The following SEPTIN2 variants were observed in gnomAD, a reference collection of about 807,000 sequenced individuals.
The protein encoded by SEPTIN2 is septin 2, also known as septin-2.
A neutral mutation model predicts 46.5 loss-of-function variants in SEPTIN2; 34 were observed. The observed-to-expected ratio is 0.73, with a 90% CI of 0.56 to 0.97. The LOEUF (loss-of-function observed/expected upper bound fraction) is 0.97. Ranked by LOEUF, SEPTIN2 falls within the 50% of genes least tolerant of loss-of-function variation. SEPTIN2 has a pLI of 0.00. For missense variants in SEPTIN2, 347 were observed against 448.4 expected (o/e 0.77, Z 2.04); for synonymous variants, 175 against 153.4 (o/e 1.14, Z -1.04).
At chr2:241,350,560 T>G (rs1012614270) in intron 12 of SEPTIN2, among the ~76,000 whole-genome samples, 2 of 152,238 alleles carry the variant, frequency 1.3e-5, no homozygotes, top group Non-Finnish European at 2.9e-5. Context: ...TGTTAATTGT[T>G]AAAACATCTC....
intron 2 of SEPTIN2, chr2:241,324,652 T>C (rs1485264235): frequency 6.9e-6 from 2 of 291,376 alleles, no homozygotes; most frequent in South Asian, 5.6e-5. Flanking sequence ...CCCGAAGTGT[T>C]GGGATTACAG....
chr2:241,319,644 T>TGCA lies in SEPTIN2; in HGVS notation c.-18+3669_-18+3671dup, dbSNP rs146758298. ...TCTCACTCTGTCACCCAGGCTGGAG[T>TGCA]GCAGCAGCACCATCTCGGCTCACTA... On this transcript the variant is annotated intron_variant, in intron 1 of 12. Transcript: ENST00000391971. Among the ~76,000 whole-genome samples the TGCA allele has an allele frequency of 8.4e-4, 128 of 152,268 alleles. 2 individuals carry two copies. In the East Asian group the frequency reaches 0.021, roughly 25 times the overall value.
At chr2:241,330,306 C>CG (rs1257063132) in intron 3 of SEPTIN2, among the ~76,000 whole-genome samples, 1 of 152,060 alleles carries the variant, frequency 6.6e-6, no homozygotes, top group African/African-American at 2.4e-5. Context: ...ATCAGCGACA[C>CG]AATGGGAAAA....
chr2:241,329,188 C>T (rs756729622), intron 3 of SEPTIN2, among the ~76,000 whole-genome samples: 31 of 151,880 alleles, frequency 2.0e-4, no homozygotes, highest in Non-Finnish European at 3.1e-4. Context: ...TGCAGTGGCA[C>T]GATCTTGGCT....
chr2:241,324,358 C>A, intron 2 of SEPTIN2, 117 bp downstream of exon 2: 14 of 762,306 alleles, frequency 1.8e-5, no homozygotes, highest in East Asian at 2.7e-5. Flanking sequence ...ACATTTGATT[C>A]ATTAACACAA....
At chr2:241,326,159 C>T (rs763947945) in intron 3 of SEPTIN2, 46 bp downstream of exon 3, 40 of 1,562,166 alleles carry the variant, frequency 2.6e-5, no homozygotes, top group Admixed American at 3.7e-5. Context: ...TAAATATCTC[C>T]CCTTTCCAAT....
At chr2:241,338,707 A>G (rs1417026052) in intron 7 of SEPTIN2, among the ~76,000 whole-genome samples, 2 of 104,834 alleles carry the variant, frequency 1.9e-5, no homozygotes, top group African/African-American at 3.6e-5. Context: ...TTATATTTAT[A>G]TTATTTATAT....
chr2:241,343,496 TC>T (rs1276831216), intron 8 of SEPTIN2, among the ~76,000 whole-genome samples: 4 of 149,458 alleles, frequency 2.7e-5, no homozygotes, highest in African/African-American at 9.9e-5. Context: ...AGACTCTGTC[TC>T]AAAAAAAAAA....
intron 3 of SEPTIN2, among the ~76,000 whole-genome samples, chr2:241,331,175 T>A (rs559998717): frequency 6.6e-6 from 1 of 151,970 alleles, no homozygotes; most frequent in East Asian, 1.9e-4. Context: ...CGAGACTCCG[T>A]CTCAAAAAAA....
rs766695605 is a variant in SEPTIN2 at position 241,343,892 on chromosome 2, G to A, written c.837G>A (p.Met279Ile). The part of the protein sequence containing the change: ...EHNDFLKLRT[M>I]LITHMQDLQE... Reference sequence around the variant, plus strand: ...ATGACTTTCTGAAGCTGAGAACCATGCTCATGTAAGACATTTGGTGTGTTC... The same window carrying A: ...ATGACTTTCTGAAGCTGAGAACCATACTCATGTAAGACATTTGGTGTGTTC... Residue 279 changes from methionine to isoleucine, a missense_variant, in exon 9 of 13, where the codon ATG becomes ATA. By Grantham distance (10) the Met-to-Ile change is conservative. Coordinates refer to ENST00000391971, the MANE Select transcript of SEPTIN2 (RefSeq NM_004404.5). 3 of 1,614,158 alleles carry A rather than the reference G, an allele frequency of 1.9e-6. No individual in the cohort carries two copies. In the Admixed American group the frequency reaches 5.0e-5, roughly 27 times the overall value.
chr2:241,342,971 C>T, intron 7 of SEPTIN2, 21 bp from the exon 8 acceptor site: 1 of 1,407,306 alleles, frequency 7.1e-7, no homozygotes, highest in Non-Finnish European at 1.0e-6. Context: ...AAAATTGATC[C>T]TGGTTTTGTC....
At chr2:241,317,131 G>A (rs918079103) in intron 1 of SEPTIN2, 1 of 152,230 alleles carries the variant, frequency 6.6e-6, no homozygotes, top group Non-Finnish European at 1.5e-5. Flanking sequence ...TCATGGTGTA[G>A]GGGTCATGAA....
rs1575428867 is a variant in SEPTIN2 at position 241,353,361 on chromosome 2, A to G, written c.*1424A>G. On this transcript the variant is annotated 3_prime_UTR_variant, in exon 13 of 13. Transcript: ENST00000391971. The stretch of plus-strand genomic sequence containing the variant: ...AGCGGTTGCCTTTTTTATCATTTCT[A>G]CTGAAGTTGGGAAATTCAACCCCAG... 4 of 152,260 alleles carry G rather than the reference A, an allele frequency of 2.6e-5. No homozygotes were observed. In the South Asian group the frequency reaches 8.3e-4, roughly 32 times the overall value. 9.4% of individuals were successfully genotyped at this position (152,260 alleles called of 1,614,324 possible).
In SEPTIN2 at chr2:241,337,886, G is replaced by A. The variant is rs979291636; in HGVS notation, c.594+96G>A. On this transcript the variant is annotated intron_variant, in intron 7 of 12. Transcript: ENST00000391971. ...GTTCCCACGCTCAGTCTGCTCAGGT[G>A]TCGGGAGGCAGGGCGGGAGAATTTT... 27 of 768,380 alleles carry A rather than the reference G, an allele frequency of 3.5e-5. 1 individual carries two copies. The South Asian group carries it at 5.5e-4, about 16-fold the overall frequency. 47.6% of individuals were successfully genotyped at this position (768,380 alleles called of 1,614,324 possible).
intron 12 of SEPTIN2, among the ~76,000 whole-genome samples, chr2:241,350,671 G>C (rs2060707670): frequency 6.6e-6 from 1 of 152,176 alleles, no homozygotes; most frequent in South Asian, 2.1e-4. Flanking sequence ...AGGGTTCCCT[G>C]GATGGTGACT....
chr2:241,316,397 C>CCCGACAAACACTTAGAGCTTGTG (rs1559576609), intron 1 of SEPTIN2: 25 of 1,074,868 alleles, frequency 2.3e-5, no homozygotes, highest in South Asian at 3.4e-5. Flanking sequence ...TCTTGTCTTT[C>CCCGACAAACACTTAGAGCTTGTG]TAACGGTGCC....
intron 10 of SEPTIN2, among the ~76,000 whole-genome samples, chr2:241,347,811 C>T (rs2060401063): frequency 1.3e-5 from 2 of 151,990 alleles, no homozygotes; most frequent in Non-Finnish European, 2.9e-5. Context: ...ACTTGAGGTT[C>T]AACACCAGCC....
At chr2:241,350,458 A>G (rs1194525046) in intron 12 of SEPTIN2, among the ~76,000 whole-genome samples, 1 of 152,064 alleles carries the variant, frequency 6.6e-6, no homozygotes, top group Non-Finnish European at 1.5e-5. Context: ...TTATTGGGGT[A>G]CATTTGCAGG....
chr2:241,327,476 T>G (rs1369582171), intron 3 of SEPTIN2, among the ~76,000 whole-genome samples: 2 of 146,232 alleles, frequency 1.4e-5, no homozygotes, highest in Admixed American at 1.4e-4. Flanking sequence ...CAGTCTAATA[T>G]ATGGATTATA....
Sources: gnomAD v4.1 joint callset for allele counts (sites outside exome capture counted in the v4.1 genomes callset) on GRCh38, gnomAD v4.1.1 for gene constraint, MANE v1.5 for transcripts, NCBI Gene and HGNC (gene_info 2026-07-23, HGNC 2026-07-21) for gene names.